The following KIF1B variants were observed in gnomAD, a reference collection of about 807,000 sequenced individuals.
KIF1B encodes kinesin family member 1B.
A neutral mutation model predicts 241.9 loss-of-function variants in KIF1B; 76 were observed. The observed-to-expected ratio is 0.31, with a 90% CI of 0.26 to 0.38. The LOEUF (loss-of-function observed/expected upper bound fraction) is 0.38. Among genes scored for constraint, KIF1B ranks in the 10% least tolerant of loss-of-function variants. The pLI is 1.00. For synonymous variants in KIF1B, 750 were observed against 796.7 expected (o/e 0.94, Z 0.99); for missense variants, 1,622 against 2,271.4 (o/e 0.71, Z 5.81).
chr1:10,238,381 CAAAAAAA>C (rs755794359), intron 2 of KIF1B, among the ~76,000 whole-genome samples: 3 of 87,136 alleles, frequency 3.4e-5, no homozygotes, highest in Admixed American at 1.4e-4. Flanking sequence ...AACTTTGTCT[CAAAAAAA>C]AAAAAAAAAA....
At chr1:10,215,168 ATATATTTTTTTTT>A (rs1646750715) in intron 1 of KIF1B, among the ~76,000 whole-genome samples, 2 of 53,856 alleles carry the variant, frequency 3.7e-5, no homozygotes, top group African/African-American at 2.1e-4. Context: ...ATATATATAT[ATATATTTTTTTTT>A]TTTTTTTTTT....
intron 22 of KIF1B, chr1:10,307,235 G>A (rs555047774): frequency 2.0e-6 from 2 of 1,024,612 alleles, no homozygotes; most frequent in East Asian, 6.4e-5. Flanking sequence ...TTGCTTAATT[G>A]AGTCTCTTAC....
intron 27 of KIF1B, among the ~76,000 whole-genome samples, chr1:10,330,263 A>C (rs947664136): frequency 3.3e-5 from 5 of 152,230 alleles, no homozygotes; most frequent in Non-Finnish European, 7.3e-5. Flanking sequence ...TGGTAACATA[A>C]CAAGGTGCTA....
intron 15 of KIF1B, among the ~76,000 whole-genome samples, chr1:10,285,216 T>C (rs1649628647): frequency 6.6e-6 from 1 of 152,226 alleles, no homozygotes; most frequent in Non-Finnish European, 1.5e-5. Context: ...AAATGTTCTT[T>C]TTCTTTGGGG....
At chr1:10,283,973 AT>A (rs1295942884) in intron 15 of KIF1B, among the ~76,000 whole-genome samples, 2 of 152,248 alleles carry the variant, frequency 1.3e-5, no homozygotes, top group East Asian at 1.9e-4. Flanking sequence ...AGATGCTTTC[AT>A]TTTAATTTTC....
intron 1 of KIF1B, chr1:10,231,037 C>G (rs1038479122): frequency 6.6e-6 from 1 of 152,072 alleles, no homozygotes; most frequent in Non-Finnish European, 1.5e-5. Context: ...ATGGTGAAAC[C>G]CCGTCTCTAC....
intron 7 of KIF1B, among the ~76,000 whole-genome samples, chr1:10,268,499 G>A (rs778000516): frequency 3.9e-5 from 6 of 152,098 alleles, no homozygotes; most frequent in Non-Finnish European, 8.8e-5. Context: ...AACAATCCAG[G>A]ACTTTGGGTC....
intron 22 of KIF1B, among the ~76,000 whole-genome samples, chr1:10,317,851 A>G (rs2102291314): frequency 6.6e-6 from 1 of 150,448 alleles, no homozygotes; most frequent in African/African-American, 2.5e-5. Context: ...AAATTGCCTG[A>G]CATTTTGATA....
In KIF1B at chr1:10,278,078, C is replaced by T. The variant is rs1372224953; in HGVS notation, c.1130C>T (p.Thr377Ile). The change falls in exon 13 of 49, where the codon ACA becomes ATA. Residue 377 changes from threonine to isoleucine, a missense_variant. Physicochemically the swap from Thr to Ile is moderately conservative, Grantham distance 89 (BLOSUM62 -1). Around this residue, in one of 7 missense-constraint regions of KIF1B, gnomAD observed 201 missense variants for 301.2 expected, o/e 0.67. Transcript: ENST00000676179. The stretch of plus-strand genomic sequence containing the variant: ...GTTCGTGAATTAAAGGAGGAGGTGA[C>T]ACGGCTGAAGGACCTTCTTCGTGCT... ...KLVRELKEEV[T>I]RLKDLLRAQG... 6 of 1,613,982 alleles carry T rather than the reference C, an allele frequency of 3.7e-6. No homozygotes were observed. The highest frequency in any genetic ancestry group is 3.3e-4 in the Middle Eastern group (2 of 6,062).
Position 10,337,147 on chromosome 1 carries a change from G to A in KIF1B, c.3203G>A (p.Gly1068Asp), listed in dbSNP as rs1190265259. 7 of 1,614,152 alleles carry A rather than the reference G, an allele frequency of 4.3e-6. No homozygotes were observed. Among genetic ancestry groups the A allele is most frequent in the Non-Finnish European group, 5.9e-6 (7 of 1,180,032 alleles). Reference sequence around the variant, plus strand: ...GAGTTGAGGATTGTGGAAGGACAGGGTCAGAGTTCTGAGGTCATCACTCCT... The same window carrying A: ...GAGTTGAGGATTGTGGAAGGACAGGATCAGAGTTCTGAGGTCATCACTCCT... ...LEELRIVEGQ[G>D]QSSEVITPPE... Residue 1068 changes from glycine to aspartate, a missense_variant, in exon 30 of 49, where the codon GGT (glycine) becomes GAT (aspartate). Gly to Asp is a moderately conservative substitution (Grantham distance 94, BLOSUM62 -1). Coordinates refer to ENST00000676179, the MANE Select transcript of KIF1B (RefSeq NM_001365951.3). The surrounding 1 kb of genome is among the most constrained non-coding windows in gnomAD (Gnocchi z 4.0).
intron 38 of KIF1B, among the ~76,000 whole-genome samples, chr1:10,355,125 C>G (rs1249528121): frequency 6.6e-6 from 1 of 152,150 alleles, no homozygotes; most frequent in African/African-American, 2.4e-5. Context: ...TGGTGGTGGT[C>G]TCCACTTTCC....
chr1:10,321,108 C>CTT (rs1332388476), intron 23 of KIF1B, among the ~76,000 whole-genome samples: 1 of 143,662 alleles, frequency 7.0e-6, no homozygotes. Context: ...AGGAGTTTGT[C>CTT]TTTTTTTTTT....
At chr1:10,290,390 C>T (rs1475778416) in intron 15 of KIF1B, among the ~76,000 whole-genome samples, 1 of 152,110 alleles carries the variant, frequency 6.6e-6, no homozygotes, top group Non-Finnish European at 1.5e-5. Context: ...GTAAACCTTT[C>T]TATGTTGACT....
chr1:10,299,996 G>T (rs1650457897), intron 22 of KIF1B, among the ~76,000 whole-genome samples: 1 of 152,032 alleles, frequency 6.6e-6, no homozygotes, highest in Non-Finnish European at 1.5e-5. Context: ...CAGCACTTTG[G>T]GAGGCCAGGG....
At chr1:10,272,027 A>G (rs1194662623) in intron 8 of KIF1B, among the ~76,000 whole-genome samples, 1 of 152,246 alleles carries the variant, frequency 6.6e-6, no homozygotes, top group Admixed American at 6.5e-5. Context: ...TGGAGCACAA[A>G]TATCTCGAAG....
chr1:10,369,174 C>T (rs547764146), intron 44 of KIF1B, among the ~76,000 whole-genome samples: 59 of 152,296 alleles, frequency 3.9e-4, no homozygotes, highest in African/African-American at 1.4e-3. Context: ...CACCTCTTTC[C>T]TGCTTTATTT....
At chr1:10,301,098 A>G (rs1412141038) in intron 22 of KIF1B, among the ~76,000 whole-genome samples, 1 of 152,098 alleles carries the variant, frequency 6.6e-6, no homozygotes, top group Non-Finnish European at 1.5e-5. Flanking sequence ...TAAGGCAGGA[A>G]GATCACTTGA....
rs745565933 is a variant in KIF1B at position 10,324,784 on chromosome 1, T to C, written c.2564T>C (p.Met855Thr). 4 of 1,614,128 alleles carry C rather than the reference T, an allele frequency of 2.5e-6. No individual in the cohort carries two copies. Among genetic ancestry groups the C allele is most frequent in the Non-Finnish European group, 3.4e-6 (4 of 1,180,030 alleles). ...CAGAGGCTGGATTTGATGCGAGAGA[T>C]GTATGATAGGGCAGGGGAGATGGCC... ...LKQRLDLMRE[M>T]YDRAGEMASS... Residue 855 changes from methionine to threonine, a missense_variant, in exon 26 of 49, where the codon ATG (methionine) becomes ACG (threonine). Met to Thr is a moderately conservative substitution (Grantham distance 81). Coordinates refer to ENST00000676179, the MANE Select transcript of KIF1B (RefSeq NM_001365951.3).
At position 10,375,344 on chromosome 1, in the gene KIF1B, C is replaced by T; in HGVS notation, c.5379C>T (p.Ala1793=). The change falls in exon 48 of 49, where the codon GCC becomes GCT. Residue 1793 remains alanine (A), a synonymous_variant. Transcript: ENST00000676179. The part of the protein sequence containing the change: ...NDKDMNDWLY[A]FNPLLAGTIR... ...AAGACATGAACGACTGGTTGTATGC[C>T]TTCAACCCACTTCTAGCTGGCACAA... 1 of 1,613,648 alleles carries T rather than the reference C, an allele frequency of 6.2e-7. No homozygotes were observed. The highest frequency in any genetic ancestry group is 1.1e-5 in the South Asian group (1 of 91,068).
Sources: allele counts gnomAD v4.1 joint callset (sites outside exome capture counted in the v4.1 genomes callset), GRCh38; gene constraint gnomAD v4.1.1; regional missense constraint gnomAD v4.1.1; non-coding constraint Gnocchi (gnomAD v3.1); transcripts MANE v1.5; gene names NCBI Gene and HGNC (gene_info 2026-07-23, HGNC 2026-07-21).